OSTN: variants seen among roughly 807,000 people sequenced by gnomAD.
The protein encoded by OSTN is osteocrin.
OSTN carries 9 observed loss-of-function variants against 12.0 expected under a neutral mutation model. That is an observed-to-expected ratio of 0.75 (90% CI 0.45 to 1.30). The LOEUF (loss-of-function observed/expected upper bound fraction) is 1.30, where lower values mean the gene tolerates loss of function less well. Among genes scored for constraint, OSTN ranks in the 50% most tolerant of loss-of-function variants. OSTN has a pLI of 0.00. For synonymous variants in OSTN, 59 were observed against 56.9 expected, an observed-to-expected ratio of 1.04 and a Z score of -0.16; for missense variants, 148 against 152.3, an observed-to-expected ratio of 0.97 and a Z score of 0.15.
intron 3 of OSTN, among the ~76,000 whole-genome samples, chr3:191,223,070 T>C (rs1197397775): frequency 1.3e-5 from 2 of 152,190 alleles, no homozygotes; most frequent in African/African-American, 4.8e-5. Context: ...GTCTCAGGTA[T>C]GTCCTTCATA....
chr3:191,262,035 G>A (rs1182286802), intron 4 of OSTN, among the ~76,000 whole-genome samples: 3 of 152,142 alleles, frequency 2.0e-5, no homozygotes, highest in Non-Finnish European at 4.4e-5. Context: ...CGGCGAACAT[G>A]GTGAAACCTC....
intron 3 of OSTN, among the ~76,000 whole-genome samples, chr3:191,227,594 T>G (rs1258608103): frequency 6.6e-6 from 1 of 152,116 alleles, no homozygotes; most frequent in African/African-American, 2.4e-5. Flanking sequence ...AAAATAAAAT[T>G]ATAAACAAAA....
chr3:191,230,294 G>C (rs1325750604), intron 3 of OSTN, among the ~76,000 whole-genome samples: 1 of 151,824 alleles, frequency 6.6e-6, no homozygotes, highest in Non-Finnish European at 1.5e-5. Flanking sequence ...GGCTGGGCAC[G>C]GTGGCTCACA....
chr3:191,238,263 A>T (rs989783367), intron 3 of OSTN, among the ~76,000 whole-genome samples: 1 of 152,124 alleles, frequency 6.6e-6, no homozygotes, highest in Non-Finnish European at 1.5e-5. Context: ...GGGGAAAAAA[A>T]TCCAAGTCAC....
chr3:191,211,689 G>A (rs1433389407), intron 1 of OSTN, among the ~76,000 whole-genome samples: 1 of 152,120 alleles, frequency 6.6e-6, no homozygotes, highest in Non-Finnish European at 1.5e-5. Context: ...TCTAATGTGT[G>A]TAAAATGGCA....
At chr3:191,255,584 C>G (rs924643020) in intron 4 of OSTN, among the ~76,000 whole-genome samples, 2 of 152,020 alleles carry the variant, frequency 1.3e-5, no homozygotes, top group African/African-American at 4.8e-5. Flanking sequence ...CATTATATTC[C>G]TAGAAACTAA....
intron 4 of OSTN, among the ~76,000 whole-genome samples, chr3:191,254,429 G>A (rs1715627506): frequency 6.6e-6 from 1 of 152,162 alleles, no homozygotes; most frequent in Non-Finnish European, 1.5e-5. Context: ...AATTTAAATT[G>A]TCTAACTTCA....
chr3:191,209,000 A>C (rs1714352425), intron 1 of OSTN, among the ~76,000 whole-genome samples: 1 of 152,164 alleles, frequency 6.6e-6, no homozygotes, highest in Non-Finnish European at 1.5e-5. Context: ...TCTACCAAAA[A>C]TACAAAAAAT....
intron 4 of OSTN, among the ~76,000 whole-genome samples, chr3:191,262,273 T>C (rs934945352): frequency 6.6e-6 from 1 of 152,192 alleles, no homozygotes; most frequent in African/African-American, 2.4e-5. Context: ...GCACATCCAT[T>C]GAGACTTTTC....
intron 3 of OSTN, among the ~76,000 whole-genome samples, chr3:191,248,726 G>A (rs1444793202): frequency 7.9e-5 from 12 of 152,116 alleles, no homozygotes; most frequent in Admixed American, 7.2e-4. Context: ...ATGAAGGATC[G>A]CTTGTGCTCA....
intron 4 of OSTN, 136 bp from the exon 5 acceptor site, chr3:191,262,730 A>G (rs2108559166): frequency 1.9e-6 from 1 of 537,160 alleles, no homozygotes; most frequent in Non-Finnish European, 3.3e-6. Context: ...AAAATAAAAA[A>G]TTGCCATGTA....
At position 191,238,551 on chromosome 3, in the gene OSTN, C is replaced by T. The variant is rs956761352; in HGVS notation, c.318-11486C>T. Among the ~76,000 whole-genome samples, 5 of 152,242 alleles carry T rather than the reference C, an allele frequency of 3.3e-5. No homozygotes were observed. The East Asian group carries it at 7.7e-4, about 23-fold the overall frequency. On this transcript the variant is annotated intron_variant, in intron 3 of 4. Transcript: ENST00000682035. ...TAGAGGAAACGAGGCTGTGATACAG[C>T]GTTGTGGAATTACAGCTATCAGTTT...
chr3:191,250,426 G>T (rs1715534957), intron 4 of OSTN, among the ~76,000 whole-genome samples: 1 of 152,052 alleles, frequency 6.6e-6, no homozygotes, highest in South Asian at 2.1e-4. Context: ...GCACACAAGG[G>T]TTAAAGTTCT....
intron 3 of OSTN, among the ~76,000 whole-genome samples, chr3:191,226,122 G>A (rs1035469017): frequency 2.6e-5 from 4 of 151,954 alleles, no homozygotes. Flanking sequence ...TATGAATATC[G>A]AGACAAAAGT....
At chr3:191,240,677 G>A (rs530270647) in intron 3 of OSTN, among the ~76,000 whole-genome samples, 4 of 152,334 alleles carry the variant, frequency 2.6e-5, no homozygotes, top group African/African-American at 9.6e-5. Flanking sequence ...TCAGTTATCT[G>A]AAAGTTATAC....
At chr3:191,248,233 C>A (rs1348111068) in intron 3 of OSTN, among the ~76,000 whole-genome samples, 1 of 152,090 alleles carries the variant, frequency 6.6e-6, no homozygotes, top group Non-Finnish European at 1.5e-5. Flanking sequence ...TTTTCCTCTA[C>A]TATTTACGTT....
At chr3:191,258,516 A>G (rs890458486) in intron 4 of OSTN, among the ~76,000 whole-genome samples, 4 of 132,286 alleles carry the variant, frequency 3.0e-5, no homozygotes, top group African/African-American at 1.3e-4. Flanking sequence ...GGGGAGGGAT[A>G]GCATTAAGAG....
chr3:191,239,050 A>G lies in OSTN; in HGVS notation c.318-10987A>G, dbSNP rs772538780. ...TAAATGGAGATCCTCTCTGCCTTAT[A>G]CGATAAACTCTATATTACTGGTGAG... On this transcript the variant is annotated intron_variant, in intron 3 of 4. Transcript: ENST00000682035. 8.2e-4 allele frequency among the ~76,000 whole-genome samples: 125 copies of G among 152,238 alleles called. 1 individual carries two copies. Among genetic ancestry groups the G allele is most frequent in the Admixed American group, 6.5e-3 (99 of 15,284 alleles).
At chr3:191,246,983 A>T (rs1212776860) in intron 3 of OSTN, among the ~76,000 whole-genome samples, 1 of 152,246 alleles carries the variant, frequency 6.6e-6, no homozygotes, top group African/African-American at 2.4e-5. Context: ...CTTAACCTTA[A>T]TCCTGTCTGC....
Sources: gnomAD v4.1 joint callset for allele counts (sites outside exome capture counted in the v4.1 genomes callset) on GRCh38, gnomAD v4.1.1 for gene constraint, MANE v1.5 for transcripts, NCBI Gene and HGNC (gene_info 2026-07-23, HGNC 2026-07-21) for gene names.